Variants in LOXL2 observed in about 807,000 individuals in gnomAD.
The protein encoded by LOXL2 is lysyl oxidase homolog 2.
In LOXL2, 70 loss-of-function variants were observed where a neutral mutation model predicts 93.0. The ratio of observed to expected loss-of-function variants is 0.75; its 90% confidence interval spans 0.62 to 0.92. The LOEUF is 0.92. Ranked by LOEUF, LOXL2 falls within the 40% of genes least tolerant of loss-of-function variation. The probability of loss-of-function intolerance (pLI) is 0.00; values close to 1 mark genes in which losing one functional copy is unlikely to be tolerated. For missense variants in LOXL2, 973 were observed against 1,054.9 expected (o/e 0.92, Z 1.08); for synonymous variants, 438 against 413.2 (o/e 1.06, Z -0.73).
chr8:23,298,657 C>T (rs1803077944), intron 13 of LOXL2, among the ~76,000 whole-genome samples, 179 bp downstream of exon 13: 1 of 152,218 alleles, frequency 6.6e-6, no homozygotes, highest in African/African-American at 2.4e-5. Flanking sequence ...CCGGAGCTGG[C>T]TGTAAAAACT....
intron 1 of LOXL2, among the ~76,000 whole-genome samples, chr8:23,395,773 C>T (rs1800081727): frequency 6.6e-6 from 1 of 152,022 alleles, no homozygotes; most frequent in Non-Finnish European, 1.5e-5. Context: ...AATCCTGGCT[C>T]ACCGTAACCT....
At chr8:23,310,992 G>C (rs1191539255) in intron 9 of LOXL2, among the ~76,000 whole-genome samples, 1 of 152,210 alleles carries the variant, frequency 6.6e-6, no homozygotes, top group African/African-American at 2.4e-5. Flanking sequence ...ATATGAATCA[G>C]TGATCACAAG....
chr8:23,362,676 G>A (rs960691150), intron 2 of LOXL2, among the ~76,000 whole-genome samples: 1 of 152,196 alleles, frequency 6.6e-6, no homozygotes, highest in African/African-American at 2.4e-5. Context: ...TGAGGCTGCA[G>A]TGAGCTGTGA....
chr8:23,352,413 C>T (rs914683938), intron 3 of LOXL2, among the ~76,000 whole-genome samples: 2 of 152,064 alleles, frequency 1.3e-5, no homozygotes, highest in African/African-American at 4.8e-5. Context: ...TGAAAATAGG[C>T]CCCCTTTTTT....
chr8:23,378,371 C>T (rs1413340171), intron 1 of LOXL2, among the ~76,000 whole-genome samples: 1 of 152,144 alleles, frequency 6.6e-6, no homozygotes, highest in Non-Finnish European at 1.5e-5. Flanking sequence ...CTGTCCTTAA[C>T]ATTTTTTCCT....
At chr8:23,316,628 C>G (rs11998025) in intron 9 of LOXL2, 6 of 311,884 alleles carry the variant, frequency 1.9e-5, no homozygotes, top group Non-Finnish European at 3.5e-5. Flanking sequence ...ATGTCATCGA[C>G]CTCATTTAAC....
chr8:23,311,544 C>A (rs1268077845), intron 9 of LOXL2, among the ~76,000 whole-genome samples: 2 of 152,224 alleles, frequency 1.3e-5, no homozygotes, highest in Non-Finnish European at 2.9e-5. Context: ...CGCCAGCTCG[C>A]AAGGCGAGGG....
chr8:23,309,129 C>T (rs1173544976), intron 10 of LOXL2, among the ~76,000 whole-genome samples: 2 of 151,938 alleles, frequency 1.3e-5, no homozygotes, highest in Admixed American at 6.6e-5. Context: ...AGGCTATAGG[C>T]ATCCACCACC....
rs142185081 is a variant in LOXL2 at position 23,318,130 on chromosome 8, T to C, written c.1471-1016A>G. On this transcript the variant is annotated intron_variant, in intron 8 of 13. Coordinates refer to ENST00000389131, the MANE Select transcript of LOXL2 (RefSeq NM_002318.3). ...TTTGAGTAAGGCAGATTACCCTCCATAATATGGGCAATTCTTATCCAATCG... is the reference window on the plus strand; with the variant it reads ...TTTGAGTAAGGCAGATTACCCTCCACAATATGGGCAATTCTTATCCAATCG... Among the ~76,000 whole-genome samples, 82 of 151,290 alleles carry C rather than the reference T, an allele frequency of 5.4e-4. 2 individuals are homozygous for C. The East Asian group carries it at 0.016, about 29-fold the overall frequency.
At position 23,380,543 on chromosome 8, in the gene LOXL2, T is replaced by A. The variant is rs7814731; in HGVS notation, c.-83-12109A>T. On this transcript the variant is annotated intron_variant, in intron 1 of 13. Transcript: ENST00000389131. ...GAACAGCGCTCCTGAATTTTTTGCC[T>A]CTTTTGTAGGGCCCTCTCCTACTCC... Among the ~76,000 whole-genome samples, 49 of 152,048 alleles carry A rather than the reference T, an allele frequency of 3.2e-4. 1 individual carries two copies. Among genetic ancestry groups the A allele is most frequent in the Non-Finnish European group, 1.8e-4 (12 of 67,976 alleles).
At chr8:23,317,629 C>G (rs1400413347) in intron 8 of LOXL2, among the ~76,000 whole-genome samples, 1 of 152,342 alleles carries the variant, frequency 6.6e-6, no homozygotes, top group Admixed American at 6.5e-5. Flanking sequence ...TGAATTTAGA[C>G]TTTTCCCCAG....
At chr8:23,396,597 C>T (rs558084947) in intron 1 of LOXL2, among the ~76,000 whole-genome samples, 9 of 152,168 alleles carry the variant, frequency 5.9e-5, no homozygotes, top group Non-Finnish European at 7.4e-5. Context: ...CATCCCTAGA[C>T]GTTTTAAGGA....
chr8:23,367,916 C>G (rs533275993), intron 2 of LOXL2, 81 bp downstream of exon 2: 316 of 1,143,992 alleles, frequency 2.8e-4, no homozygotes, highest in South Asian at 1.4e-3. Flanking sequence ...GTGCAGCCTC[C>G]TCTCCCAGGC....
chr8:23,304,869 A>G (rs1236434303), intron 10 of LOXL2, among the ~76,000 whole-genome samples: 1 of 152,104 alleles, frequency 6.6e-6, no homozygotes, highest in Non-Finnish European at 1.5e-5. Flanking sequence ...GGCACGGGGA[A>G]CGGGGAAGAC....
chr8:23,376,323 C>T (rs1242121072), intron 1 of LOXL2, among the ~76,000 whole-genome samples: 2 of 152,152 alleles, frequency 1.3e-5, no homozygotes, highest in Non-Finnish European at 2.9e-5. Context: ...TTTTGATGTG[C>T]TGCTGGGTTC....
intron 2 of LOXL2, 38 bp from the exon 3 acceptor site, chr8:23,360,303 T>A: frequency 6.6e-7 from 1 of 1,505,256 alleles, no homozygotes. Flanking sequence ...AAGTGCTGCG[T>A]CAATGCAGGT....
At chr8:23,322,311 A>G in intron 6 of LOXL2, 30 bp from the exon 7 acceptor site, 1 of 1,599,418 alleles carries the variant, frequency 6.3e-7, no homozygotes, top group Non-Finnish European at 8.5e-7. Flanking sequence ...ATGCTCTATG[A>G]AAGCTTTGGA....
At chr8:23,382,611 G>A (rs1804696901) in intron 1 of LOXL2, 1 of 151,962 alleles carries the variant, frequency 6.6e-6, no homozygotes, top group Admixed American at 6.6e-5. Flanking sequence ...TTTCCCAGGA[G>A]GTGGGAGCCC....
At chr8:23,331,120 C>T (rs905243394) in intron 5 of LOXL2, among the ~76,000 whole-genome samples, 1 of 152,174 alleles carries the variant, frequency 6.6e-6, no homozygotes, top group Admixed American at 6.5e-5. Flanking sequence ...GTCACGGTGT[C>T]CCTTTTATAT....
Sources: gnomAD v4.1 joint callset for allele counts (sites outside exome capture counted in the v4.1 genomes callset) on GRCh38, gnomAD v4.1.1 for gene constraint, MANE v1.5 for transcripts, NCBI Gene and HGNC (gene_info 2026-07-23, HGNC 2026-07-21) for gene names.